FAM20B: variants seen among roughly 807,000 people sequenced by gnomAD.
FAM20B encodes glycosaminoglycan xylosylkinase.
FAM20B carries 23 observed loss-of-function variants against 43.8 expected under a neutral mutation model. The observed-to-expected ratio is 0.53, with a 90% CI of 0.38 to 0.74. FAM20B has a LOEUF of 0.74. FAM20B is among the 30% of genes least tolerant of loss of function. FAM20B has a pLI of 0.00. For missense variants in FAM20B, 440 were observed against 510.5 expected (o/e 0.86, Z 1.33); for synonymous variants, 178 against 192.4 (o/e 0.93, Z 0.62).
At chr1:179,017,606 T>G in the FAM20B span, among the ~76,000 whole-genome samples, 4 of 152,232 alleles carry the variant, frequency 2.6e-5, no homozygotes, top group Non-Finnish European at 5.9e-5. Flanking sequence ...CATTCTATAT[T>G]TATTTCTGTG....
chr1:179,066,843 C>T lies in FAM20B; in HGVS notation c.982C>T (p.Leu328Phe). Reference sequence around the variant, plus strand: ...GGATGAAAGAAGCATTCTTGCCCCTCTCTATCAGTGTTGCATGTAAGTTAT... The same window carrying T: ...GGATGAAAGAAGCATTCTTGCCCCTTTCTATCAGTGTTGCATGTAAGTTAT... ...SLDERSILAP[L>F]YQCCIIRVST... The change falls in exon 7 of 8, where the codon CTC becomes TTC. Residue 328 changes from leucine (L) to phenylalanine (F), a missense_variant. Coordinates refer to ENST00000263733, the MANE Select transcript of FAM20B (RefSeq NM_014864.4). 6.2e-7 allele frequency: 1 copy of T among 1,612,156 alleles called. No homozygotes were observed. The highest frequency in any genetic ancestry group is 8.5e-7 in the Non-Finnish European group (1 of 1,178,168).
At chr1:179,024,209 G>C (rs1285919675), upstream of FAM20B, among the ~76,000 whole-genome samples, 5 of 152,196 alleles carry the variant, frequency 3.3e-5, no homozygotes, top group Non-Finnish European at 7.3e-5. Flanking sequence ...GAAGTGGGTT[G>C]CTTGGAGAGG....
At chr1:179,040,401 G>A (rs963712875) in intron 1 of FAM20B, among the ~76,000 whole-genome samples, 7 of 149,786 alleles carry the variant, frequency 4.7e-5, no homozygotes, top group Non-Finnish European at 8.9e-5. Context: ...GCGGCTGGCC[G>A]GGCAGAGGGG....
At chr1:179,060,498 A>G (rs1651418282) in intron 4 of FAM20B, among the ~76,000 whole-genome samples, 1 of 152,174 alleles carries the variant, frequency 6.6e-6, no homozygotes, top group Non-Finnish European at 1.5e-5. Context: ...TGGCAGCATT[A>G]TATTCTCATA....
upstream of FAM20B, among the ~76,000 whole-genome samples, chr1:179,023,097 A>C (rs1649633425): frequency 6.6e-6 from 1 of 152,244 alleles, no homozygotes; most frequent in Non-Finnish European, 1.5e-5. Flanking sequence ...AATGCCAAGC[A>C]CAGGTGTCCC....
chr1:179,025,531 C>A (rs1572521709), upstream of FAM20B, among the ~76,000 whole-genome samples: 1 of 152,136 alleles, frequency 6.6e-6, no homozygotes, highest in Non-Finnish European at 1.5e-5. Flanking sequence ...CCGCAACTCT[C>A]CAGTCCTGCT....
chr1:179,050,913 G>A (rs1288737732), intron 3 of FAM20B, among the ~76,000 whole-genome samples: 1 of 152,166 alleles, frequency 6.6e-6, no homozygotes, highest in African/African-American at 2.4e-5. Context: ...CATGAGCTCA[G>A]GAGTTCGAGA....
At chr1:179,050,463 T>G in intron 3 of FAM20B, 98 bp downstream of exon 3, 1 of 789,016 alleles carries the variant, frequency 1.3e-6, no homozygotes, top group South Asian at 1.5e-5. Flanking sequence ...GCAACACTAA[T>G]AAATAACTTG....
chr1:179,028,101 G>A (rs1008123805), intron 1 of FAM20B, among the ~76,000 whole-genome samples: 1 of 152,122 alleles, frequency 6.6e-6, no homozygotes, highest in Non-Finnish European at 1.5e-5. Context: ...CCCACACTTT[G>A]TGTGTCTATC....
At chr1:179,024,659 A>C (rs1001811127), upstream of FAM20B, among the ~76,000 whole-genome samples, 1 of 152,234 alleles carries the variant, frequency 6.6e-6, no homozygotes, top group East Asian at 1.9e-4. Flanking sequence ...CGTCTCCTGC[A>C]GTGATTAATG....
intron 6 of FAM20B, among the ~76,000 whole-genome samples, chr1:179,065,147 CT>C (rs558786524): frequency 1.1e-4 from 16 of 146,822 alleles, no homozygotes; most frequent in Admixed American, 2.0e-4. Flanking sequence ...TAGTGCCACA[CT>C]TTTTTTTTTT....
At chr1:179,019,152 C>T in the FAM20B span, among the ~76,000 whole-genome samples, 3 of 152,196 alleles carry the variant, frequency 2.0e-5, no homozygotes, top group Non-Finnish European at 4.4e-5. Context: ...CCAGAAACAC[C>T]CTAACAGATA....
chr1:179,053,007 G>C (rs1651068356), intron 3 of FAM20B, among the ~76,000 whole-genome samples: 1 of 152,184 alleles, frequency 6.6e-6, no homozygotes, highest in Admixed American at 6.5e-5. Context: ...TACTGGCAAA[G>C]TTTATCTTTT....
chr1:179,052,538 A>G (rs1412217319), intron 3 of FAM20B, among the ~76,000 whole-genome samples: 1 of 152,212 alleles, frequency 6.6e-6, no homozygotes, highest in Non-Finnish European at 1.5e-5. Context: ...TGAACAAATA[A>G]CTGCTTTTTT....
In FAM20B at chr1:179,073,423, C is replaced by G. The variant is rs1349449410; in HGVS notation, c.*1279C>G. Reference sequence around the variant, plus strand: ...CTCCGTCTCCCAGGTTCAAGCGATTCTCTTGCCTCAGCCTCCAGAGTAGCT... The same window carrying G: ...CTCCGTCTCCCAGGTTCAAGCGATTGTCTTGCCTCAGCCTCCAGAGTAGCT... On this transcript the variant is annotated 3_prime_UTR_variant, in exon 8 of 8. Coordinates refer to ENST00000263733, the MANE Select transcript of FAM20B (RefSeq NM_014864.4). 1 of 152,308 alleles carries G rather than the reference C, an allele frequency of 6.6e-6. No individual in the cohort carries two copies. Among genetic ancestry groups the G allele is most frequent in the African/African-American group, 2.4e-5 (1 of 41,444 alleles). The allele number at this position is 152,308 out of a possible 1,614,324, so 9.4% of individuals were successfully genotyped here.
chr1:179,020,939 C>T (rs1186023773), upstream of FAM20B, among the ~76,000 whole-genome samples: 3 of 152,184 alleles, frequency 2.0e-5, no homozygotes, highest in Non-Finnish European at 2.9e-5. Context: ...GGCATGGTGG[C>T]GCACGCCTGT....
chr1:179,033,409 G>C (rs1650088749), intron 1 of FAM20B, among the ~76,000 whole-genome samples: 1 of 152,198 alleles, frequency 6.6e-6, no homozygotes, highest in East Asian at 1.9e-4. Context: ...TTTATAATGA[G>C]TGTATTGCTC....
chr1:179,042,475 A>G (rs1031567897), intron 1 of FAM20B, among the ~76,000 whole-genome samples: 2 of 152,178 alleles, frequency 1.3e-5, no homozygotes, highest in Admixed American at 6.5e-5. Flanking sequence ...AACCCCAAAG[A>G]GGATGTCACA....
At chr1:179,070,507 G>A (rs111791538) in intron 7 of FAM20B, among the ~76,000 whole-genome samples, 2,080 of 141,194 alleles carry the variant, frequency 0.015, 42 homozygotes, top group African/African-American at 0.049. Flanking sequence ...ACAAGGGGCT[G>A]AACTCGCCTT....
Sources: gnomAD v4.1 joint callset for allele counts (sites outside exome capture counted in the v4.1 genomes callset) on GRCh38, gnomAD v4.1.1 for gene constraint, MANE v1.5 for transcripts, NCBI Gene and HGNC (gene_info 2026-07-23, HGNC 2026-07-21) for gene names.